RSPO2: variants seen among roughly 807,000 people sequenced by gnomAD.
RSPO2 encodes the protein R-spondin-2.
Under a neutral mutation model 30.9 loss-of-function variants are expected in RSPO2, and 14 were observed. The observed-to-expected ratio is 0.45, with a 90% CI of 0.30 to 0.71. The LOEUF (loss-of-function observed/expected upper bound fraction) is 0.71, where lower values mean the gene tolerates loss of function less well. Ranked by LOEUF, RSPO2 falls within the 30% of genes least tolerant of loss-of-function variation. The pLI is 0.08. For missense variants in RSPO2, 264 were observed against 301.9 expected (o/e 0.87, Z 0.93); for synonymous variants, 107 against 96.4 (o/e 1.11, Z -0.64).
At chr8:107,958,321 T>TC (rs1157581173) in intron 4 of RSPO2, 53 bp from the exon 5 acceptor site, 1 of 1,414,640 alleles carries the variant, frequency 7.1e-7, no homozygotes, top group African/African-American at 1.4e-5. Context: ...TAAGTTAGTA[T>TC]CCATTTGCTT....
At position 107,983,454 on chromosome 8, in the gene RSPO2, T is replaced by TC. The variant is rs1586600733; in HGVS notation, c.283+5601dup. 3 of 1,597,496 alleles carry TC rather than the reference T, an allele frequency of 1.9e-6. No individual in the cohort carries two copies. The East Asian group carries it at 6.7e-5, about 36-fold the overall frequency. On this transcript the variant is annotated intron_variant, in intron 3 of 5. Transcript: ENST00000276659. The stretch of plus-strand genomic sequence containing the variant: ...CTGTAGAGGATGCAGAGGGCCAGAG[T>TC]CCCCTTTCTCAGAAGTACAGCCCTT...
chr8:107,991,999 G>A (rs1814861904), intron 2 of RSPO2, among the ~76,000 whole-genome samples: 1 of 152,020 alleles, frequency 6.6e-6, no homozygotes, highest in South Asian at 2.1e-4. Context: ...ACCTAAAGAT[G>A]GAAAAACCAT....
At chr8:108,051,112 C>T (rs1183586518) in intron 2 of RSPO2, among the ~76,000 whole-genome samples, 1 of 152,080 alleles carries the variant, frequency 6.6e-6, no homozygotes, top group Admixed American at 6.6e-5. Context: ...CCCCACTGTA[C>T]CCTTTAACTT....
chr8:107,932,495 C>T (rs75433683), intron 5 of RSPO2, among the ~76,000 whole-genome samples: 2,461 of 151,640 alleles, frequency 0.016, 51 homozygotes, highest in African/African-American at 0.039. Flanking sequence ...GAAGATTAGG[C>T]GCTGGAGTAA....
chr8:108,034,837 AG>A (rs1444336571), intron 2 of RSPO2, among the ~76,000 whole-genome samples: 1 of 152,264 alleles, frequency 6.6e-6, no homozygotes, highest in East Asian at 1.9e-4. Flanking sequence ...GTGCACGCAC[AG>A]AACACTTAAT....
At chr8:107,904,315 T>C (rs918372220) in intron 5 of RSPO2, among the ~76,000 whole-genome samples, 1 of 151,720 alleles carries the variant, frequency 6.6e-6, no homozygotes, top group East Asian at 1.9e-4. Context: ...TACTTTTTAG[T>C]TCACAAGAGA....
intron 5 of RSPO2, among the ~76,000 whole-genome samples, chr8:107,949,048 G>C (rs951182873): frequency 2.0e-5 from 3 of 150,966 alleles, no homozygotes; most frequent in African/African-American, 7.3e-5. Flanking sequence ...TTGGGGAACA[G>C]GTGGTTTTTG....
chr8:107,947,892 G>C (rs62535480), intron 5 of RSPO2, among the ~76,000 whole-genome samples: 119 of 152,222 alleles, frequency 7.8e-4, no homozygotes, highest in Non-Finnish European at 1.4e-3. Flanking sequence ...GTTTCGGCCA[G>C]GTTCATTTGC....
At position 108,082,649 on chromosome 8, in the gene RSPO2, G is replaced by A. The variant is rs557137867; in HGVS notation, c.-11C>T. ...AAGGCGAAACTGCATCTGGGCGGTC[G>A]GGCGGGGGAGAGACGCCTCTCAAAG... On this transcript the variant is annotated 5_prime_UTR_variant, in exon 2 of 6. Coordinates refer to ENST00000276659, the MANE Select transcript of RSPO2 (RefSeq NM_178565.5). 6 of 1,609,910 alleles carry A rather than the reference G, an allele frequency of 3.7e-6. No individual in the cohort carries two copies. Among genetic ancestry groups the A allele is most frequent in the Non-Finnish European group, 5.1e-6 (6 of 1,176,468 alleles).
chr8:108,024,729 A>G lies in RSPO2; in HGVS notation c.95-35485T>C, dbSNP rs1341063228. Among the ~76,000 whole-genome samples, 3 of 152,332 alleles carry G rather than the reference A, an allele frequency of 2.0e-5. No homozygotes were observed. In the East Asian group the frequency reaches 5.8e-4, roughly 29 times the overall value. On this transcript the variant is annotated intron_variant, in intron 2 of 5. Transcript: ENST00000276659. ...ACGTACTCAACAGATAATAAACACAACAAGGATAGGCTGGGCATGGTGGCT... is the reference window on the plus strand; with the variant it reads ...ACGTACTCAACAGATAATAAACACAGCAAGGATAGGCTGGGCATGGTGGCT...
chr8:108,048,752 T>C (rs1196488079), intron 2 of RSPO2, among the ~76,000 whole-genome samples: 7 of 152,186 alleles, frequency 4.6e-5, no homozygotes, highest in African/African-American at 1.7e-4. Flanking sequence ...TTCTTTTAAT[T>C]GTGATGTTAG....
At chr8:108,055,306 G>T (rs1455352418) in intron 2 of RSPO2, among the ~76,000 whole-genome samples, 1 of 152,152 alleles carries the variant, frequency 6.6e-6, no homozygotes, top group Non-Finnish European at 1.5e-5. Flanking sequence ...AGCCCAATAG[G>T]ACTGAGATAA....
At chr8:107,973,829 T>C (rs928977903) in intron 3 of RSPO2, among the ~76,000 whole-genome samples, 9 of 152,188 alleles carry the variant, frequency 5.9e-5, no homozygotes, top group Non-Finnish European at 8.8e-5. Context: ...TCTTTAAATA[T>C]TGAAGTCCTC....
chr8:107,943,822 G>C (rs537847543), intron 5 of RSPO2, among the ~76,000 whole-genome samples: 1 of 152,160 alleles, frequency 6.6e-6, no homozygotes, highest in Non-Finnish European at 1.5e-5. Context: ...CTCTCACCAT[G>C]TAAAAGACAA....
chr8:108,008,267 T>A (rs1358631063), intron 2 of RSPO2, among the ~76,000 whole-genome samples: 1 of 152,212 alleles, frequency 6.6e-6, no homozygotes, highest in Non-Finnish European at 1.5e-5. Context: ...TTTTTTCTAA[T>A]AATCAGATGG....
intron 2 of RSPO2, among the ~76,000 whole-genome samples, chr8:108,022,742 A>T (rs1344341103): frequency 6.6e-6 from 1 of 152,028 alleles, no homozygotes; most frequent in Non-Finnish European, 1.5e-5. Flanking sequence ...CCTGACCAAC[A>T]TGGAGAAACG....
intron 3 of RSPO2, among the ~76,000 whole-genome samples, chr8:107,979,526 T>A (rs536604010): frequency 7.0e-4 from 106 of 152,242 alleles, no homozygotes; most frequent in Non-Finnish European, 1.3e-3. Context: ...CACTGGGGAC[T>A]GTTGTGGGGT....
chr8:108,081,810 G>T, intron 2 of RSPO2: 1 of 652,958 alleles, frequency 1.5e-6, no homozygotes, highest in Non-Finnish European at 1.9e-6. Flanking sequence ...CCACCGGTGT[G>T]GCTGCTTTTG....
intron 2 of RSPO2, among the ~76,000 whole-genome samples, chr8:108,077,904 T>C (rs553112636): frequency 6.6e-6 from 1 of 152,286 alleles, no homozygotes; most frequent in South Asian, 2.1e-4. Context: ...AGAGTAGTTA[T>C]CAAGCTTATA....
Sources: gnomAD v4.1 joint callset for allele counts (sites outside exome capture counted in the v4.1 genomes callset) on GRCh38, gnomAD v4.1.1 for gene constraint, MANE v1.5 for transcripts, NCBI Gene and HGNC (gene_info 2026-07-23, HGNC 2026-07-21) for gene names.